The following R3HDM2 variants were observed in gnomAD, a reference collection of about 807,000 sequenced individuals.
R3HDM2 encodes the protein R3H domain containing 2.
A neutral mutation model predicts 124.5 loss-of-function variants in R3HDM2; 38 were observed. That is an observed-to-expected ratio of 0.31 (90% CI 0.24 to 0.40). The LOEUF (loss-of-function observed/expected upper bound fraction) is 0.40, where lower values mean the gene tolerates loss of function less well. Among genes scored for constraint, R3HDM2 ranks in the 10% least tolerant of loss-of-function variants. The pLI, the probability that R3HDM2 is intolerant of heterozygous loss-of-function variation, is 1.00. For synonymous variants in R3HDM2, 391 were observed against 448.0 expected (o/e 0.87, Z 1.61); for missense variants, 869 against 1,236.9 (o/e 0.70, Z 4.46).
intron 14 of R3HDM2, 126 bp from the exon 15 acceptor site, chr12:57,270,120 A>G (rs754268545): frequency 4.3e-5 from 50 of 1,156,198 alleles, no homozygotes; most frequent in Non-Finnish European, 6.2e-5. Flanking sequence ...GGATAGTCCT[A>G]CCTCTGTGCT....
intron 19 of R3HDM2, among the ~76,000 whole-genome samples, chr12:57,260,483 C>T (rs1367831529): frequency 1.3e-5 from 2 of 151,780 alleles, no homozygotes; most frequent in Non-Finnish European, 2.9e-5. Context: ...TAAGGAGGAA[C>T]ATTAAGACCT....
chr12:57,420,637 G>C (rs1332978576), intron 1 of R3HDM2, among the ~76,000 whole-genome samples: 3 of 151,518 alleles, frequency 2.0e-5, no homozygotes, highest in Non-Finnish European at 4.4e-5. Flanking sequence ...TTACGGGCGT[G>C]AGCCACTGCG....
chr12:57,423,972 G>A, intron 1 of R3HDM2, among the ~76,000 whole-genome samples: 1 of 150,754 alleles, frequency 6.6e-6, no homozygotes, highest in East Asian at 2.0e-4. Context: ...AAATTAGCCA[G>A]GTGTGGTGGC....
intron 12 of R3HDM2, among the ~76,000 whole-genome samples, chr12:57,285,820 T>C (rs1286431176): frequency 6.6e-6 from 1 of 152,220 alleles, no homozygotes; most frequent in African/African-American, 2.4e-5. Context: ...CTGCCATTTA[T>C]TTTCTCTTGC....
At chr12:57,360,277 C>A (rs747425873) in intron 2 of R3HDM2, among the ~76,000 whole-genome samples, 1 of 151,674 alleles carries the variant, frequency 6.6e-6, no homozygotes, top group Middle Eastern at 3.2e-3. Context: ...AGCGACCCAC[C>A]TCGGCCTCTG....
intron 19 of R3HDM2, among the ~76,000 whole-genome samples, chr12:57,264,037 G>A (rs957448211): frequency 1.3e-5 from 2 of 152,138 alleles, no homozygotes; most frequent in Admixed American, 6.5e-5. Context: ...GAGGTCAGGA[G>A]ATCAGGCCCA....
At chr12:57,328,987 T>C (rs1384509250) in intron 2 of R3HDM2, among the ~76,000 whole-genome samples, 5 of 152,166 alleles carry the variant, frequency 3.3e-5, no homozygotes, top group Admixed American at 6.6e-5. Context: ...GGTTTTGCTG[T>C]TAATTGTAGA....
At chr12:57,295,808 A>G (rs1488933229) in intron 9 of R3HDM2, among the ~76,000 whole-genome samples, 1 of 152,264 alleles carries the variant, frequency 6.6e-6, no homozygotes, top group Admixed American at 6.5e-5. Flanking sequence ...CAGAAAGAGT[A>G]GGAATTAATT....
chr12:57,390,454 T>C (rs2066493346), intron 2 of R3HDM2, among the ~76,000 whole-genome samples: 2 of 152,000 alleles, frequency 1.3e-5, no homozygotes, highest in South Asian at 2.1e-4. Context: ...TCCCAGCACT[T>C]TGGGAGGCTG....
At chr12:57,268,204 A>C (rs1322904046) in intron 18 of R3HDM2, 99 bp downstream of exon 18, 2 of 1,354,566 alleles carry the variant, frequency 1.5e-6, no homozygotes, top group East Asian at 4.8e-5. Context: ...TGGGATCTTT[A>C]CCCCTGCCTT....
At chr12:57,397,588 A>G (rs931996200) in intron 1 of R3HDM2, among the ~76,000 whole-genome samples, 2 of 152,138 alleles carry the variant, frequency 1.3e-5, no homozygotes, top group Non-Finnish European at 2.9e-5. Context: ...TTGCGAAGGA[A>G]TGGCCAGAGG....
chr12:57,375,975 T>C (rs1429260134), intron 2 of R3HDM2, among the ~76,000 whole-genome samples: 19 of 152,180 alleles, frequency 1.2e-4, no homozygotes, highest in Non-Finnish European at 2.6e-4. Flanking sequence ...CCCAGCCAGA[T>C]CAGCTGCTTT....
At chr12:57,413,591 C>T (rs2069222796) in intron 1 of R3HDM2, among the ~76,000 whole-genome samples, 1 of 151,608 alleles carries the variant, frequency 6.6e-6, no homozygotes, top group African/African-American at 2.4e-5. Flanking sequence ...CAAAAATTAG[C>T]CAGGCATGGT....
At chr12:57,409,500 T>G (rs947428733) in intron 1 of R3HDM2, among the ~76,000 whole-genome samples, 83 of 132,376 alleles carry the variant, frequency 6.3e-4, no homozygotes, top group African/African-American at 2.2e-3. Flanking sequence ...AAACTAGAGC[T>G]GAGAGGTGGG....
chr12:57,269,459 G>A lies in R3HDM2; in HGVS notation c.1588-10C>T, dbSNP rs751082528. On this transcript the variant is annotated splice_polypyrimidine_tract_variant and intron_variant, in intron 15 of 23. Transcript: ENST00000402412. ...AGTAAGAAACCTGGATCTATGGTGA[G>A]AGGAGACAGATGTGTGAGAAGTCCC... The A allele has an allele frequency of 6.2e-7, 1 of 1,613,668 alleles. No homozygotes were observed. Among genetic ancestry groups the A allele is most frequent in the South Asian group, 1.1e-5 (1 of 90,960 alleles).
rs111498872 is a variant in R3HDM2, at chr12:57,343,778, A to C, written c.-35-33315T>G. 2.6e-5 allele frequency among the ~76,000 whole-genome samples: 4 copies of C among 151,766 alleles called. 1 individual carries two copies. The highest frequency in any genetic ancestry group is 4.8e-5 in the African/African-American group (2 of 41,440). ...TTACAAAAGGTTAAAAAAAAAAAAA[A>C]AAAAAAAACAGGTTCTGGCTTTTAC... On this transcript the variant is annotated intron_variant, in intron 2 of 23. Transcript: ENST00000402412.
In R3HDM2 at chr12:57,318,731, C is replaced by T. The variant is rs539316986; in HGVS notation, c.-35-8268G>A. Among the ~76,000 whole-genome samples the T allele has an allele frequency of 6.5e-4, 99 of 152,104 alleles. 1 individual carries two copies. The highest frequency in any genetic ancestry group is 2.3e-3 in the African/African-American group (97 of 41,512). ...CAATAATAATAATAATCAGCTAAAA[C>T]TTTTGAGTGCTTACATTGTGCCAGG... On this transcript the variant is annotated intron_variant, in intron 2 of 23. Coordinates refer to ENST00000402412, the MANE Select transcript of R3HDM2 (RefSeq NM_001394031.1).
At chr12:57,268,135 A>G (rs1429022208) in intron 18 of R3HDM2, 168 bp downstream of exon 18, 1 of 620,358 alleles carries the variant, frequency 1.6e-6, no homozygotes, top group Non-Finnish European at 2.5e-6. Flanking sequence ...GCACATGTCA[A>G]ATCAATAAGT....
At chr12:57,282,167 C>T (rs1342126645) in intron 13 of R3HDM2, among the ~76,000 whole-genome samples, 1 of 151,862 alleles carries the variant, frequency 6.6e-6, no homozygotes, top group Admixed American at 6.6e-5. Context: ...AAAAATTAGC[C>T]GGCCGTGGTG....
Sources: allele counts gnomAD v4.1 joint callset (sites outside exome capture counted in the v4.1 genomes callset), GRCh38; gene constraint gnomAD v4.1.1; transcripts MANE v1.5; gene names NCBI Gene and HGNC (gene_info 2026-07-23, HGNC 2026-07-21).